The following NRG3 variants were observed in gnomAD, a reference collection of about 807,000 sequenced individuals.
The protein encoded by NRG3 is neuregulin 3, also known as pro-neuregulin-3, membrane-bound isoform.
Under a neutral mutation model 66.9 loss-of-function variants are expected in NRG3, and 31 were observed. The ratio of observed to expected loss-of-function variants is 0.46; its 90% CI spans 0.35 to 0.63. The LOEUF is 0.63. Among genes scored for constraint, NRG3 ranks in the 20% least tolerant of loss-of-function variants. The pLI is 0.00. For missense variants in NRG3, 910 were observed against 878.9 expected (o/e 1.04, Z -0.45); for synonymous variants, 393 against 359.4 (o/e 1.09, Z -1.06).
intron 2 of NRG3, among the ~76,000 whole-genome samples, chr10:82,409,273 C>T (rs1185869115): frequency 1.3e-5 from 2 of 152,106 alleles, no homozygotes; most frequent in East Asian, 1.9e-4. Flanking sequence ...AAACCAATGG[C>T]AGGTTTACAA....
chr10:81,878,134 C>G lies in NRG3; in HGVS notation c.823+1971C>G, dbSNP rs2132445541. On this transcript the variant is annotated intron_variant, in intron 1 of 8. Transcript: ENST00000372141. The stretch of plus-strand genomic sequence containing the variant: ...CCCCTCTATGCTCTCTTCCTACATT[C>G]CGTGGACGGGAATGGCAGCCTGTTT... 3.4e-6 allele frequency: 5 copies of G among 1,457,766 alleles called. No individual in the cohort carries two copies. In the South Asian group the frequency reaches 5.6e-5, roughly 16 times the overall value. 90.3% of individuals were successfully genotyped at this position (1,457,766 alleles called of 1,614,324 possible).
intron 2 of NRG3, among the ~76,000 whole-genome samples, chr10:82,709,909 T>C (rs2056553750): frequency 1.3e-5 from 2 of 152,238 alleles, no homozygotes; most frequent in South Asian, 2.1e-4. Context: ...GCTGCTGTTA[T>C]AGTTTTCCTT....
chr10:82,293,809 G>A (rs143014289), intron 1 of NRG3, among the ~76,000 whole-genome samples: 187 of 152,056 alleles, frequency 1.2e-3, no homozygotes, highest in African/African-American at 4.1e-3. Context: ...TTAATATCTC[G>A]TAATTGCATA....
rs138173367 is a variant in NRG3 at position 82,357,243 on chromosome 10, T to C, written c.824-1496T>C. Among the ~76,000 whole-genome samples the C allele has an allele frequency of 8.9e-4, 136 of 152,348 alleles. 4 individuals carry two copies. The East Asian group carries it at 0.023, about 26-fold the overall frequency. ...GAGACCAGACAGATAAACATATAGA[T>C]GGCCCATGCCCTGGTTTGCCCTACT... On this transcript the variant is annotated intron_variant, in intron 1 of 8. Transcript: ENST00000372141.
rs184383943 is a variant in NRG3, at chr10:82,003,819, G to A, written c.823+127656G>A. ...GCAGCAGAGAAATAGCATGGTTGATGGAGGGGCTACGGGGTAAAGGAAGTT... is the reference window on the plus strand; with the variant it reads ...GCAGCAGAGAAATAGCATGGTTGATAGAGGGGCTACGGGGTAAAGGAAGTT... On this transcript the variant is annotated intron_variant, in intron 1 of 8. Transcript: ENST00000372141. 2.6e-3 allele frequency among the ~76,000 whole-genome samples: 397 copies of A among 152,168 alleles called. 8 individuals carry two copies. Among genetic ancestry groups the A allele is most frequent in the Admixed American group, 0.024 (363 of 15,272 alleles).
intron 1 of NRG3, among the ~76,000 whole-genome samples, chr10:82,161,834 C>A (rs2132956805): frequency 6.6e-6 from 1 of 152,266 alleles, no homozygotes; most frequent in South Asian, 2.1e-4. Context: ...TAAGTTTAAG[C>A]AAAGCAATTA....
chr10:82,176,415 A>T (rs546453215), intron 1 of NRG3, among the ~76,000 whole-genome samples: 2 of 152,112 alleles, frequency 1.3e-5, no homozygotes, highest in East Asian at 3.9e-4. Flanking sequence ...AATCCTGGAG[A>T]CCTCCTCCTG....
At chr10:82,177,132 C>T (rs979921370) in intron 1 of NRG3, among the ~76,000 whole-genome samples, 1 of 152,018 alleles carries the variant, frequency 6.6e-6, no homozygotes, top group African/African-American at 2.4e-5. Context: ...TAGCAGCAGT[C>T]ACTTAATGTT....
chr10:82,288,932 A>G (rs906031295), intron 1 of NRG3, among the ~76,000 whole-genome samples: 3 of 152,196 alleles, frequency 2.0e-5, no homozygotes, highest in Non-Finnish European at 4.4e-5. Flanking sequence ...ATTAATAGAC[A>G]TGCTGTAATG....
intron 2 of NRG3, among the ~76,000 whole-genome samples, chr10:82,442,784 A>ACTTTTTTT (rs2090499519): frequency 1.8e-5 from 1 of 54,254 alleles, no homozygotes; most frequent in African/African-American, 9.1e-5. Context: ...TTCTGTGTGG[A>ACTTTTTTT]TTTTTTTTTT....
chr10:82,338,622 G>A (rs1005481516), intron 1 of NRG3, among the ~76,000 whole-genome samples: 7 of 152,154 alleles, frequency 4.6e-5, no homozygotes, highest in South Asian at 4.1e-4. Flanking sequence ...ATCATACAGC[G>A]ATATTACAGA....
At chr10:82,808,194 G>T (rs1230759933) in intron 3 of NRG3, among the ~76,000 whole-genome samples, 1 of 115,334 alleles carries the variant, frequency 8.7e-6, no homozygotes. Flanking sequence ...TTCTACACAC[G>T]TAGTAAAAAA....
At chr10:82,416,003 C>T (rs985215388) in intron 2 of NRG3, among the ~76,000 whole-genome samples, 2 of 152,122 alleles carry the variant, frequency 1.3e-5, no homozygotes, top group African/African-American at 2.4e-5. Context: ...CATATTACCT[C>T]TCAGTTCTTG....
intron 2 of NRG3, among the ~76,000 whole-genome samples, chr10:82,528,454 C>G (rs929035522): frequency 6.6e-6 from 1 of 152,120 alleles, no homozygotes; most frequent in Admixed American, 6.5e-5. Context: ...TGCATTAATT[C>G]AGGAATATTG....
chr10:82,758,874 A>G (rs867589957), intron 3 of NRG3, among the ~76,000 whole-genome samples: 2 of 151,860 alleles, frequency 1.3e-5, no homozygotes, highest in Non-Finnish European at 2.9e-5. Context: ...GGCTCATTAC[A>G]TTCAGTGAAT....
At chr10:82,018,608 C>T (rs1317750724) in intron 1 of NRG3, among the ~76,000 whole-genome samples, 3 of 152,082 alleles carry the variant, frequency 2.0e-5, no homozygotes, top group African/African-American at 2.4e-5. Context: ...TCTTTTATTT[C>T]GTTGAGCAGT....
At chr10:82,577,790 G>A (rs2046116707) in intron 2 of NRG3, among the ~76,000 whole-genome samples, 1 of 151,864 alleles carries the variant, frequency 6.6e-6, no homozygotes, top group Non-Finnish European at 1.5e-5. Context: ...TAAATATACA[G>A]TCCCTCATAA....
chr10:82,887,122 C>A (rs1204140318), intron 4 of NRG3, among the ~76,000 whole-genome samples: 1 of 152,160 alleles, frequency 6.6e-6, no homozygotes, highest in African/African-American at 2.4e-5. Context: ...CTGTCATGGC[C>A]TTGTTATTTT....
chr10:82,629,254 A>G (rs2049642606), intron 2 of NRG3, among the ~76,000 whole-genome samples: 1 of 152,180 alleles, frequency 6.6e-6, no homozygotes, highest in African/African-American at 2.4e-5. Context: ...AATGTCTACC[A>G]TTCTCCCTGA....
Sources: gnomAD v4.1 joint callset for allele counts (sites outside exome capture counted in the v4.1 genomes callset) on GRCh38, gnomAD v4.1.1 for gene constraint, MANE v1.5 for transcripts, NCBI Gene and HGNC (gene_info 2026-07-23, HGNC 2026-07-21) for gene names.